The following TLN2 variants were observed in gnomAD, a reference collection of about 807,000 sequenced individuals.
TLN2 encodes the protein talin-2.
TLN2 carries 118 observed loss-of-function variants against 294.7 expected under a neutral mutation model. The observed-to-expected ratio is 0.40, with a 90% CI of 0.34 to 0.47. The LOEUF (loss-of-function observed/expected upper bound fraction) is 0.47, where lower values mean the gene tolerates loss of function less well. TLN2 is among the 20% of genes least tolerant of loss of function. The pLI is 0.84. For missense variants in TLN2, 3,083 were observed against 3,282.2 expected (o/e 0.94, Z 1.48); for synonymous variants, 1,431 against 1,304.5 (o/e 1.10, Z -2.09).
intron 1 of TLN2, among the ~76,000 whole-genome samples, chr15:62,500,511 G>T (rs2039250998): frequency 6.6e-6 from 1 of 152,192 alleles, no homozygotes; most frequent in Non-Finnish European, 1.5e-5. Flanking sequence ...CAGTGGATTA[G>T]AATGTTTAAA....
chr15:62,519,979 G>A (rs959341401), intron 1 of TLN2, among the ~76,000 whole-genome samples: 38 of 152,232 alleles, frequency 2.5e-4, no homozygotes, highest in Non-Finnish European at 5.0e-4. Flanking sequence ...CATGGTGGAA[G>A]GCGAAAGGCA....
intron 6 of TLN2, 130 bp from the exon 7 acceptor site, chr15:62,653,032 C>G: frequency 1.5e-6 from 1 of 649,828 alleles, no homozygotes; most frequent in Non-Finnish European, 2.4e-6. Context: ...ACCTCCCTGA[C>G]CCTCATATTT....
At chr15:62,813,846 C>T (rs1435019020) in intron 52 of TLN2, among the ~76,000 whole-genome samples, 12 of 150,520 alleles carry the variant, frequency 8.0e-5, no homozygotes, top group African/African-American at 2.7e-4. Flanking sequence ...CAGAGTTTTG[C>T]CCTCGTTGCC....
intron 1 of TLN2, among the ~76,000 whole-genome samples, chr15:62,430,618 A>G (rs2034961039): frequency 6.6e-6 from 1 of 152,200 alleles, no homozygotes; most frequent in South Asian, 2.1e-4. Flanking sequence ...TATAGTGGAC[A>G]GATCTCATCT....
chr15:62,682,877 G>A (rs528010901), intron 11 of TLN2: 2 of 152,158 alleles, frequency 1.3e-5, no homozygotes, highest in East Asian at 3.9e-4. Flanking sequence ...TGAGGTGTTA[G>A]ATTACCTGGA....
chr15:62,787,635 A>G (rs1218200860), intron 45 of TLN2, among the ~76,000 whole-genome samples: 1 of 151,082 alleles, frequency 6.6e-6, no homozygotes, highest in Non-Finnish European at 1.5e-5. Flanking sequence ...TGGGCTGGTC[A>G]TATTTACTGA....
intron 1 of TLN2, among the ~76,000 whole-genome samples, chr15:62,554,900 T>C (rs2042522278): frequency 6.6e-6 from 1 of 152,018 alleles, no homozygotes; most frequent in African/African-American, 2.4e-5. Context: ...AACTTAAGGG[T>C]CTGGCAGAGA....
intron 2 of TLN2, among the ~76,000 whole-genome samples, chr15:62,594,035 A>G (rs138228455): frequency 1.3e-3 from 197 of 152,352 alleles, no homozygotes; most frequent in East Asian, 8.1e-3. Flanking sequence ...AGCAATCTAG[A>G]GCAAAAAGAA....
intron 3 of TLN2, among the ~76,000 whole-genome samples, chr15:62,635,091 G>A (rs2050251534): frequency 6.6e-6 from 1 of 152,136 alleles, no homozygotes; most frequent in Non-Finnish European, 1.5e-5. Context: ...AACCTGGATT[G>A]ATTATTGGCC....
intron 21 of TLN2, 84 bp from the exon 22 acceptor site, chr15:62,711,827 G>A: frequency 6.9e-7 from 1 of 1,458,168 alleles, no homozygotes; most frequent in Non-Finnish European, 9.2e-7. Flanking sequence ...CAGAGGAGTA[G>A]AGACAAGACT....
At chr15:62,613,624 G>T (rs921572760) in intron 2 of TLN2, among the ~76,000 whole-genome samples, 1 of 152,134 alleles carries the variant, frequency 6.6e-6, no homozygotes, top group Non-Finnish European at 1.5e-5. Context: ...ACTTTCACAT[G>T]AACGTCAAAG....
At chr15:62,676,540 G>A (rs1420667392) in intron 11 of TLN2, among the ~76,000 whole-genome samples, 1 of 152,154 alleles carries the variant, frequency 6.6e-6, no homozygotes, top group Non-Finnish European at 1.5e-5. Context: ...CAGCAATAAT[G>A]TTTAGTAAAC....
intron 1 of TLN2, among the ~76,000 whole-genome samples, chr15:62,492,179 C>T (rs8023733): frequency 0.12 from 17,923 of 152,012 alleles, 1,112 homozygotes; most frequent in African/African-American, 0.13. Context: ...TGGCCGGACG[C>T]GGTGGCTCAC....
intron 43 of TLN2, among the ~76,000 whole-genome samples, chr15:62,779,125 A>G (rs1385046099): frequency 6.6e-6 from 1 of 152,214 alleles, no homozygotes; most frequent in East Asian, 1.9e-4. Context: ...GTGACTCCTG[A>G]CACTTTGGGT....
chr15:62,588,375 C>T (rs927985268), intron 1 of TLN2, among the ~76,000 whole-genome samples: 5 of 151,506 alleles, frequency 3.3e-5, no homozygotes, highest in South Asian at 2.1e-4. Context: ...GCGGCTCACA[C>T]GTGTAATCCC....
chr15:62,418,891 T>C (rs2034231462), intron 1 of TLN2, among the ~76,000 whole-genome samples: 1 of 152,236 alleles, frequency 6.6e-6, no homozygotes, highest in South Asian at 2.1e-4. Context: ...CACTTCTTTG[T>C]GGATCTTCAG....
chr15:62,808,702 G>C (rs990143450), intron 51 of TLN2, among the ~76,000 whole-genome samples: 2 of 152,206 alleles, frequency 1.3e-5, no homozygotes, highest in Non-Finnish European at 2.9e-5. Context: ...TCAAACAGAC[G>C]TGGGGCCTTG....
intron 1 of TLN2, among the ~76,000 whole-genome samples, chr15:62,449,528 C>T (rs754611284): frequency 3.3e-5 from 5 of 152,104 alleles, no homozygotes; most frequent in Non-Finnish European, 5.9e-5. Flanking sequence ...CCAAATTCTC[C>T]TTTAAAAACA....
chr15:62,595,097 C>A (rs1015685429), intron 2 of TLN2, among the ~76,000 whole-genome samples: 12 of 152,102 alleles, frequency 7.9e-5, no homozygotes, highest in Non-Finnish European at 1.6e-4. Flanking sequence ...TGAGATAGTA[C>A]CTCACACTTG....
Sources: gnomAD v4.1 joint callset for allele counts (sites outside exome capture counted in the v4.1 genomes callset) on GRCh38, gnomAD v4.1.1 for gene constraint, MANE v1.5 for transcripts, NCBI Gene and HGNC (gene_info 2026-07-23, HGNC 2026-07-21) for gene names.